SLC35F3: variants seen among roughly 807,000 people sequenced by gnomAD.
SLC35F3 encodes the protein solute carrier family 35 member F3, also known as putative thiamine transporter SLC35F3.
Under a neutral mutation model 49.9 loss-of-function variants are expected in SLC35F3, and 25 were observed. The ratio of observed to expected loss-of-function variants is 0.50; its 90% confidence interval spans 0.37 to 0.70. SLC35F3 has a LOEUF of 0.70. Among genes scored for constraint, SLC35F3 ranks in the 30% least tolerant of loss-of-function variants. The pLI is 0.00. For synonymous variants in SLC35F3, 275 were observed against 265.4 expected (o/e 1.04, Z -0.35); for missense variants, 525 against 639.8 (o/e 0.82, Z 1.94).
intron 2 of SLC35F3, among the ~76,000 whole-genome samples, chr1:234,029,331 G>T (rs561686194): frequency 1.3e-5 from 2 of 152,198 alleles, no homozygotes; most frequent in Admixed American, 1.3e-4. Flanking sequence ...GAGCATTCCC[G>T]CAGATGGCAC....
chr1:234,312,831 TTTTGTTG>T, intron 4 of SLC35F3, among the ~76,000 whole-genome samples: 1 of 151,166 alleles, frequency 6.6e-6, no homozygotes, highest in Admixed American at 6.6e-5. Flanking sequence ...CCCCGCCACG[TTTTGTTG>T]TTTGTTTTTT....
chr1:234,318,700 T>C lies in SLC35F3; in HGVS notation c.955-51T>C, dbSNP rs768649477. The stretch of plus-strand genomic sequence containing the variant: ...TGAACTCTGCTTTGCTTACATCATA[T>C]TGGGGTCTGAGGTGAGCCTTCACCC... On this transcript the variant is annotated intron_variant, in intron 5 of 7. Transcript: ENST00000366618. 7.9e-6 allele frequency: 12 copies of C among 1,522,100 alleles called. No individual in the cohort carries two copies. In the South Asian group the frequency reaches 1.1e-4, roughly 14 times the overall value. 94.3% of individuals were successfully genotyped at this position (1,522,100 alleles called of 1,614,324 possible).
intron 2 of SLC35F3, among the ~76,000 whole-genome samples, chr1:234,021,290 C>T (rs946373941): frequency 6.6e-6 from 1 of 152,120 alleles, no homozygotes; most frequent in African/African-American, 2.4e-5. Flanking sequence ...GGAAGGAAGG[C>T]AGTGGGGGAA....
chr1:234,069,464 C>A (rs528524885), intron 2 of SLC35F3, among the ~76,000 whole-genome samples: 2 of 152,036 alleles, frequency 1.3e-5, no homozygotes, highest in South Asian at 4.1e-4. Context: ...ACCGTGTTAG[C>A]CAGGATGGTC....
intron 2 of SLC35F3, among the ~76,000 whole-genome samples, chr1:234,139,896 C>T (rs75339818): frequency 1.3e-4 from 20 of 149,234 alleles, no homozygotes; most frequent in East Asian, 3.9e-4. Context: ...TGCAGTGAGC[C>T]GAGATGGTGC....
chr1:234,103,376 G>C (rs945879455), intron 2 of SLC35F3, among the ~76,000 whole-genome samples: 1 of 152,156 alleles, frequency 6.6e-6, no homozygotes, highest in Non-Finnish European at 1.5e-5. Context: ...CACCCTCAGA[G>C]GCCAAGGGTC....
At chr1:234,221,556 G>T (rs1007172202) in intron 2 of SLC35F3, among the ~76,000 whole-genome samples, 1 of 152,092 alleles carries the variant, frequency 6.6e-6, no homozygotes, top group South Asian at 2.1e-4. Context: ...ATCGTTTGCC[G>T]CAAATGATGG....
intron 2 of SLC35F3, among the ~76,000 whole-genome samples, chr1:233,922,517 G>C (rs1055370440): frequency 5.0e-5 from 3 of 59,870 alleles, no homozygotes; most frequent in East Asian, 1.0e-3. Context: ...TTGTAAATTT[G>C]TTTAAGTCCT....
At chr1:234,191,895 A>T (rs1666735600) in intron 2 of SLC35F3, among the ~76,000 whole-genome samples, 1 of 152,130 alleles carries the variant, frequency 6.6e-6, no homozygotes, top group South Asian at 2.1e-4. Context: ...ACCCTCCTAG[A>T]TTAAGTCAGG....
At chr1:233,983,431 A>G (rs1419990203) in intron 2 of SLC35F3, among the ~76,000 whole-genome samples, 2 of 152,192 alleles carry the variant, frequency 1.3e-5, no homozygotes, top group African/African-American at 2.4e-5. Flanking sequence ...AAATTGAGTA[A>G]TTTCATAAAA....
intron 2 of SLC35F3, among the ~76,000 whole-genome samples, chr1:233,944,358 T>A (rs565686788): frequency 7.2e-5 from 11 of 152,332 alleles, no homozygotes; most frequent in African/African-American, 2.6e-4. Flanking sequence ...GTTTAATATA[T>A]ATATGTATAT....
intron 3 of SLC35F3, among the ~76,000 whole-genome samples, chr1:234,286,932 G>A (rs1397501537): frequency 6.6e-6 from 1 of 152,210 alleles, no homozygotes; most frequent in Non-Finnish European, 1.5e-5. Flanking sequence ...CATTTTAGGA[G>A]GCCAAGGCAG....
At chr1:233,921,211 T>C (rs72751796) in intron 2 of SLC35F3, among the ~76,000 whole-genome samples, 15,743 of 152,256 alleles carry the variant, frequency 0.1, 1,013 homozygotes, top group Non-Finnish European at 0.15. Flanking sequence ...AATAGAACAC[T>C]ATGTAATTTT....
chr1:233,947,642 C>A (rs909814039), intron 2 of SLC35F3, among the ~76,000 whole-genome samples: 1 of 146,386 alleles, frequency 6.8e-6, no homozygotes, highest in Non-Finnish European at 1.5e-5. Context: ...TGGAAACAGG[C>A]GTTTCTATGA....
chr1:234,142,014 C>G (rs1044905100), intron 2 of SLC35F3, among the ~76,000 whole-genome samples: 1 of 152,210 alleles, frequency 6.6e-6, no homozygotes, highest in African/African-American at 2.4e-5. Flanking sequence ...TTCTTCACCA[C>G]TGTCTCCCCC....
intron 2 of SLC35F3, among the ~76,000 whole-genome samples, chr1:233,964,311 G>A (rs1662859100): frequency 6.6e-6 from 1 of 152,216 alleles, no homozygotes. Flanking sequence ...GCCATACGTA[G>A]AACCTGCCAC....
At chr1:234,260,520 G>T (rs757685805) in intron 3 of SLC35F3, among the ~76,000 whole-genome samples, 14 of 152,210 alleles carry the variant, frequency 9.2e-5, no homozygotes, top group Non-Finnish European at 2.1e-4. Flanking sequence ...TCTGGACGGA[G>T]ATCATGGTCT....
intron 2 of SLC35F3, among the ~76,000 whole-genome samples, chr1:233,950,000 T>G (rs747490711): frequency 6.6e-6 from 1 of 152,020 alleles, no homozygotes; most frequent in Non-Finnish European, 1.5e-5. Context: ...TGTCCCCAGT[T>G]TTTTTCAGAC....
intron 3 of SLC35F3, among the ~76,000 whole-genome samples, chr1:234,243,777 G>C (rs1348450625): frequency 6.6e-6 from 1 of 151,862 alleles, no homozygotes; most frequent in Non-Finnish European, 1.5e-5. Flanking sequence ...ACAGTGCAGG[G>C]TTGCTGCAGG....
Sources: gnomAD v4.1 joint callset for allele counts (sites outside exome capture counted in the v4.1 genomes callset) on GRCh38, gnomAD v4.1.1 for gene constraint, MANE v1.5 for transcripts, NCBI Gene and HGNC (gene_info 2026-07-23, HGNC 2026-07-21) for gene names.